The following SHROOM3 variants were observed in gnomAD, a reference collection of about 807,000 sequenced individuals.
The protein encoded by SHROOM3 is shroom family member 3.
Under a neutral mutation model 138.6 loss-of-function variants are expected in SHROOM3, and 47 were observed. That is an observed-to-expected ratio of 0.34 (90% CI 0.27 to 0.43). The LOEUF is 0.43. SHROOM3 is among the 20% of genes least tolerant of loss of function. The pLI, the probability that SHROOM3 is intolerant of heterozygous loss-of-function variation, is 1.00. For missense variants in SHROOM3, 2,491 were observed against 2,596.5 expected, an observed-to-expected ratio of 0.96 and a Z score of 0.88; for synonymous variants, 1,062 against 1,063.3, an observed-to-expected ratio of 1.00 and a Z score of 0.02.
chr4:76,508,541 G>T (rs1447135680), intron 1 of SHROOM3, among the ~76,000 whole-genome samples: 1 of 152,104 alleles, frequency 6.6e-6, no homozygotes, highest in Admixed American at 6.6e-5. Flanking sequence ...TGGGTCCCTT[G>T]AGTTTCCATA....
intron 9 of SHROOM3, among the ~76,000 whole-genome samples, chr4:76,764,072 T>C (rs536982109): frequency 1.3e-5 from 2 of 152,360 alleles, no homozygotes; most frequent in African/African-American, 4.8e-5. Flanking sequence ...GGCTAGGAAC[T>C]AGAGTCTTGG....
chr4:76,504,479 T>C (rs1424438732), intron 1 of SHROOM3, among the ~76,000 whole-genome samples: 4 of 152,216 alleles, frequency 2.6e-5, no homozygotes, highest in African/African-American at 9.6e-5. Context: ...TTTTTTAAAC[T>C]CCTGCCTCCT....
At chr4:76,618,165 G>A (rs543198915) in intron 2 of SHROOM3, among the ~76,000 whole-genome samples, 20 of 152,284 alleles carry the variant, frequency 1.3e-4, no homozygotes, top group African/African-American at 3.8e-4. Context: ...TTAGCTGGGC[G>A]TGGTGGCATG....
chr4:76,612,568 A>G (rs959142097), intron 2 of SHROOM3, among the ~76,000 whole-genome samples: 2 of 152,170 alleles, frequency 1.3e-5, no homozygotes, highest in African/African-American at 4.8e-5. Flanking sequence ...TATTATTATT[A>G]AACTTTCTAT....
chr4:76,589,242 C>T (rs1734212520), intron 2 of SHROOM3, among the ~76,000 whole-genome samples: 1 of 152,160 alleles, frequency 6.6e-6, no homozygotes, highest in African/African-American at 2.4e-5. Flanking sequence ...CCAAGGTGGG[C>T]AGATCACCTG....
chr4:76,587,565 T>C (rs1192654337), intron 2 of SHROOM3, among the ~76,000 whole-genome samples: 1 of 152,214 alleles, frequency 6.6e-6, no homozygotes, highest in Admixed American at 6.5e-5. Flanking sequence ...AGTGTGTTTT[T>C]TCTTCCAATG....
chr4:76,482,210 A>G (rs986005477), intron 1 of SHROOM3, among the ~76,000 whole-genome samples: 1 of 152,202 alleles, frequency 6.6e-6, no homozygotes, highest in Admixed American at 6.5e-5. Flanking sequence ...AGAGGAAGTC[A>G]AATTGTCTCC....
intron 2 of SHROOM3, chr4:76,586,245 C>T: frequency 5.1e-6 from 5 of 985,616 alleles, no homozygotes; most frequent in Non-Finnish European, 6.0e-6. Context: ...AGCCCAGGTT[C>T]CCAGCGGAGG....
At chr4:76,709,118 C>A (rs574948041) in intron 2 of SHROOM3, among the ~76,000 whole-genome samples, 1 of 152,314 alleles carries the variant, frequency 6.6e-6, no homozygotes, top group East Asian at 1.9e-4. Context: ...AGCTCTTTCA[C>A]TTCCGTTCTG....
At chr4:76,714,002 GTTTGT>G (rs1720305588) in intron 3 of SHROOM3, among the ~76,000 whole-genome samples, 1 of 152,090 alleles carries the variant, frequency 6.6e-6, no homozygotes, top group Non-Finnish European at 1.5e-5. Context: ...CCTACATCCT[GTTTGT>G]TTTGCTTTTT....
chr4:76,657,203 C>G (rs577887001), intron 2 of SHROOM3, among the ~76,000 whole-genome samples: 1 of 151,022 alleles, frequency 6.6e-6, no homozygotes, highest in Non-Finnish European at 1.5e-5. Flanking sequence ...CTCTCTCTCT[C>G]TATATATATA....
chr4:76,633,454 A>G (rs1391979803), intron 2 of SHROOM3, among the ~76,000 whole-genome samples: 2 of 151,866 alleles, frequency 1.3e-5, no homozygotes, highest in Admixed American at 1.3e-4. Context: ...CGGGAGATCG[A>G]GACCATTCTG....
In SHROOM3 at chr4:76,738,830, CCAGGGG is replaced by C. The variant is rs758919326; in HGVS notation, c.658_663del (p.Gln220_Gly221del). The C allele has an allele frequency of 5.3e-5, 86 of 1,614,126 alleles. No individual in the cohort carries two copies. The highest frequency in any genetic ancestry group is 7.2e-5 in the Non-Finnish European group (85 of 1,180,040). On this transcript the variant is annotated inframe_deletion, in exon 5 of 11. Transcript: ENST00000296043. ...GGCGGAGCCCTGACCAGTGCAGCTC[CCAGGGG>C]AGCATGGAGAGCCTGGAGCCCAGTG...
chr4:76,559,941 C>A (rs1484928822), intron 2 of SHROOM3, among the ~76,000 whole-genome samples: 1 of 152,110 alleles, frequency 6.6e-6, no homozygotes, highest in East Asian at 1.9e-4. Flanking sequence ...CTGCTTGATA[C>A]ACGAAGAGTG....
intron 2 of SHROOM3, among the ~76,000 whole-genome samples, chr4:76,616,961 A>G (rs1423128309): frequency 6.6e-6 from 1 of 152,256 alleles, no homozygotes; most frequent in Admixed American, 6.5e-5. Flanking sequence ...GAGATACAAA[A>G]TGTGAGCAAA....
intron 10 of SHROOM3, among the ~76,000 whole-genome samples, chr4:76,773,490 A>G (rs1053849815): frequency 2.0e-5 from 3 of 152,142 alleles, no homozygotes; most frequent in African/African-American, 7.2e-5. Context: ...TTAAGGGGGA[A>G]ACCAGGAAGG....
intron 2 of SHROOM3, among the ~76,000 whole-genome samples, chr4:76,622,392 A>G (rs1317768641): frequency 2.0e-5 from 3 of 152,068 alleles, no homozygotes; most frequent in Non-Finnish European, 4.4e-5. Flanking sequence ...CTTCTCAGCA[A>G]CGGAACATTC....
At chr4:76,577,685 C>A (rs925514683) in intron 2 of SHROOM3, among the ~76,000 whole-genome samples, 1 of 152,196 alleles carries the variant, frequency 6.6e-6, no homozygotes, top group African/African-American at 2.4e-5. Context: ...CAAGACAAGT[C>A]CCCTATAACT....
At chr4:76,662,958 A>G (rs2110094068) in intron 2 of SHROOM3, among the ~76,000 whole-genome samples, 1 of 151,930 alleles carries the variant, frequency 6.6e-6, no homozygotes, top group East Asian at 1.9e-4. Flanking sequence ...GGAGAGAGGG[A>G]GAGAGAGAGA....
Sources: allele counts gnomAD v4.1 joint callset (sites outside exome capture counted in the v4.1 genomes callset), GRCh38; gene constraint gnomAD v4.1.1; transcripts MANE v1.5; gene names NCBI Gene and HGNC (gene_info 2026-07-23, HGNC 2026-07-21).